The following TAS2R1 variants were observed in gnomAD, a reference collection of about 807,000 sequenced individuals.
TAS2R1 encodes the protein taste 2 receptor member 1.
For missense variants in TAS2R1, 370 were observed against 353.4 expected (o/e 1.05, Z -0.38); for synonymous variants, 141 against 134.2 (o/e 1.05, Z -0.35).
the TAS2R1 span, among the ~76,000 whole-genome samples, chr5:9,877,398 A>C: frequency 6.6e-6 from 1 of 152,238 alleles, no homozygotes; most frequent in African/African-American, 2.4e-5. Context: ...AAGATTTTCT[A>C]GCAGCAAATT....
At chr5:9,640,090 A>G (rs1357174779) in intron 2 of TAS2R1, among the ~76,000 whole-genome samples, 1 of 152,196 alleles carries the variant, frequency 6.6e-6, no homozygotes, top group Non-Finnish European at 1.5e-5. Flanking sequence ...TTAATTTAAA[A>G]TAAGAGACAG....
the TAS2R1 span, among the ~76,000 whole-genome samples, chr5:9,877,954 GA>G: frequency 0.012 from 1,788 of 152,316 alleles, 28 homozygotes; most frequent in Middle Eastern, 0.051. Flanking sequence ...TCCTACTGGA[GA>G]AATTGATCAA....
chr5:9,751,444 G>C, the TAS2R1 span, among the ~76,000 whole-genome samples: 5 of 152,122 alleles, frequency 3.3e-5, no homozygotes, highest in Admixed American at 1.3e-4. Flanking sequence ...TATAGAGACA[G>C]CAGACAGGTA....
chr5:9,780,247 C>A, the TAS2R1 span, among the ~76,000 whole-genome samples: 1 of 152,206 alleles, frequency 6.6e-6, no homozygotes, highest in Non-Finnish European at 1.5e-5. Flanking sequence ...GATTTCTTTG[C>A]TGGACTCTTC....
the TAS2R1 span, among the ~76,000 whole-genome samples, chr5:9,748,839 A>G: frequency 3.9e-5 from 6 of 152,116 alleles, no homozygotes; most frequent in Admixed American, 2.6e-4. Flanking sequence ...GAGCTCATTC[A>G]TAATACACAA....
the TAS2R1 span, among the ~76,000 whole-genome samples, chr5:9,758,998 C>G: frequency 6.6e-6 from 1 of 152,106 alleles, no homozygotes; most frequent in Non-Finnish European, 1.5e-5. Flanking sequence ...AATGGTGAAC[C>G]ATATAATTTT....
At chr5:9,874,003 A>G in the TAS2R1 span, among the ~76,000 whole-genome samples, 8 of 149,864 alleles carry the variant, frequency 5.3e-5, no homozygotes, top group South Asian at 2.1e-4. Flanking sequence ...AGGAAGGAAG[A>G]AAGGAAGGAA....
the TAS2R1 span, among the ~76,000 whole-genome samples, chr5:9,890,301 A>G: frequency 6.6e-6 from 1 of 152,150 alleles, no homozygotes; most frequent in Non-Finnish European, 1.5e-5. Context: ...CAATTCAAAT[A>G]CTTCGTCAAT....
chr5:9,680,252 G>A (rs1324109619), intron 1 of TAS2R1, among the ~76,000 whole-genome samples: 1 of 152,186 alleles, frequency 6.6e-6, no homozygotes, highest in Non-Finnish European at 1.5e-5. Flanking sequence ...GTAAATAAGT[G>A]ATTAGTAATT....
chr5:9,784,792 T>C, the TAS2R1 span, among the ~76,000 whole-genome samples: 3 of 152,170 alleles, frequency 2.0e-5, no homozygotes, highest in Non-Finnish European at 4.4e-5. Context: ...CTCGAAGCCC[T>C]GTGTGTCTCT....
chr5:9,674,084 G>C (rs1740822263), intron 1 of TAS2R1, among the ~76,000 whole-genome samples: 1 of 152,128 alleles, frequency 6.6e-6, no homozygotes, highest in African/African-American at 2.4e-5. Flanking sequence ...TCTGGCATTT[G>C]GATGCCTATC....
the TAS2R1 span, among the ~76,000 whole-genome samples, chr5:9,781,872 G>A: frequency 6.6e-6 from 1 of 152,144 alleles, no homozygotes; most frequent in East Asian, 1.9e-4. Flanking sequence ...GCTCTGACTT[G>A]TCCTTGTGTT....
At chr5:9,698,139 T>G (rs1415706348) in intron 1 of TAS2R1, among the ~76,000 whole-genome samples, 3 of 152,162 alleles carry the variant, frequency 2.0e-5, no homozygotes, top group African/African-American at 7.2e-5. Context: ...AAAAACCATT[T>G]TATTATGAAA....
At chr5:9,633,595 T>C (rs1739917612), upstream of TAS2R1, among the ~76,000 whole-genome samples, 1 of 151,970 alleles carries the variant, frequency 6.6e-6, no homozygotes, top group Non-Finnish European at 1.5e-5. Flanking sequence ...TTATACCACA[T>C]CCACACCAAC....
At chr5:9,810,707 A>G in the TAS2R1 span, among the ~76,000 whole-genome samples, 2 of 152,182 alleles carry the variant, frequency 1.3e-5, no homozygotes, top group Admixed American at 1.3e-4. Context: ...GAGAAGGAGG[A>G]GGATCCATAA....
chr5:9,897,851 C>G, the TAS2R1 span, among the ~76,000 whole-genome samples: 2 of 152,066 alleles, frequency 1.3e-5, 1 homozygote, highest in Admixed American at 1.3e-4. Flanking sequence ...TTACTAAGAG[C>G]CTGCAGATTA....
the TAS2R1 span, among the ~76,000 whole-genome samples, chr5:9,859,050 A>G: frequency 6.6e-6 from 1 of 152,200 alleles, no homozygotes; most frequent in African/African-American, 2.4e-5. Flanking sequence ...TGCAAGAACA[A>G]TGATAGGTTT....
chr5:9,719,168 A>T, the TAS2R1 span, among the ~76,000 whole-genome samples: 1 of 152,264 alleles, frequency 6.6e-6, no homozygotes, highest in Non-Finnish European at 1.5e-5. Flanking sequence ...TAGGAAATAC[A>T]CACTGAAGTA....
At chr5:9,887,686 T>G in the TAS2R1 span, among the ~76,000 whole-genome samples, 1 of 152,124 alleles carries the variant, frequency 6.6e-6, no homozygotes, top group Non-Finnish European at 1.5e-5. Context: ...AGGCTGCCAC[T>G]AAGGACAAAG....
Sources: allele counts gnomAD v4.1 joint callset (sites outside exome capture counted in the v4.1 genomes callset), GRCh38; gene constraint gnomAD v4.1.1; transcripts MANE v1.5; gene names NCBI Gene and HGNC (gene_info 2026-07-23, HGNC 2026-07-21).